Variants in RP1 observed in about 807,000 individuals in gnomAD.
The protein encoded by RP1 is RP1 axonemal microtubule associated, also known as oxygen-regulated protein 1.
Under a neutral mutation model 14.8 loss-of-function variants are expected in RP1, and 16 were observed. The ratio of observed to expected loss-of-function variants is 1.08; its 90% CI spans 0.73 to 1.65. The LOEUF (loss-of-function observed/expected upper bound fraction) is 1.65, where lower values mean the gene tolerates loss of function less well. Ranked by LOEUF, RP1 falls within the 40% of genes most tolerant of loss-of-function variation. RP1 has a pLI of 0.00. For missense variants in RP1, 2,631 were observed against 2,535.0 expected (o/e 1.04, Z -0.81); for synonymous variants, 876 against 883.6 (o/e 0.99, Z 0.15).
chr8:54,855,330 T>C (rs528794129), intron 26 of RP1, among the ~76,000 whole-genome samples: 352 of 152,330 alleles, frequency 2.3e-3, no homozygotes, highest in African/African-American at 8.3e-3. Context: ...GGCTGAATAA[T>C]ATTTCAAAAC....
chr8:54,570,831 C>T (rs1804503860), intron 1 of RP1, among the ~76,000 whole-genome samples: 1 of 152,156 alleles, frequency 6.6e-6, no homozygotes, highest in African/African-American at 2.4e-5. Context: ...AACAGAAAGA[C>T]AGCCATCAGG....
chr8:54,679,083 A>G (rs1807363733), intron 9 of RP1, among the ~76,000 whole-genome samples: 1 of 152,158 alleles, frequency 6.6e-6, no homozygotes, highest in Admixed American at 6.6e-5. Context: ...TAGGGTTTGA[A>G]CTATATTTAG....
intron 3 of RP1, among the ~76,000 whole-genome samples, chr8:54,624,443 C>CAAAAAAAAAAAAAAAAAAAAAAAAAAA (rs11332494): frequency 3.5e-5 from 2 of 56,596 alleles, no homozygotes; most frequent in African/African-American, 8.2e-5. Flanking sequence ...GACTCTGTCT[C>CAAAAAAAAAAAAAAAAAAAAAAAAAAA]AAAAAAAAAA....
chr8:54,725,407 T>C (rs1414246708), intron 16 of RP1, among the ~76,000 whole-genome samples: 2 of 152,178 alleles, frequency 1.3e-5, no homozygotes, highest in Admixed American at 6.5e-5. Context: ...CTTATTATTG[T>C]CTGAAATGAT....
rs1806162464 is a variant in RP1 at position 54,628,894 on chromosome 8, G to C, written c.5012G>C (p.Ser1671Thr). Residue 1671 changes from serine (S) to threonine (T), a missense_variant, in exon 4 of 4, where the codon AGT (serine) becomes ACT (threonine). Ser to Thr is a moderately conservative substitution (Grantham distance 58). Coordinates refer to ENST00000220676, the MANE Select transcript of RP1 (RefSeq NM_006269.2). ...SVEFQCSRKASLYDSEGQSFG... is the reference protein window; with the variant it reads ...SVEFQCSRKATLYDSEGQSFG... ...GAATTTCAGTGTTCCAGGAAAGCAA[G>C]TCTTTATGATTCTGAAGGGCAGTCA... 1.2e-6 allele frequency: 2 copies of C among 1,613,894 alleles called. No individual in the cohort carries two copies. Among genetic ancestry groups the C allele is most frequent in the Non-Finnish European group, 1.7e-6 (2 of 1,179,960 alleles).
rs528410311 is a variant in RP1, at chr8:54,601,656, G to A, written c.-12-19299G>A. On this transcript the variant is annotated intron_variant, in intron 1 of 22. Coordinates refer to the RP1 transcript ENST00000636932. ...AAAGACTTGCACAAGAATGTTCATA[G>A]AAGTATTATCTGCAGGAGCCCCAAA... Among the ~76,000 whole-genome samples the A allele has an allele frequency of 1.4e-5, 2 of 147,836 alleles. 1 individual carries two copies. The highest frequency in any genetic ancestry group is 4.2e-4 in the South Asian group (2 of 4,746).
intron 15 of RP1, chr8:54,720,067 GT>G: frequency 7.8e-7 from 1 of 1,287,708 alleles, no homozygotes; most frequent in East Asian, 2.6e-5. Flanking sequence ...AAAACGACTG[GT>G]TTTAAATTCT....
chr8:54,572,700 T>C (rs1016332703), intron 1 of RP1, among the ~76,000 whole-genome samples: 3 of 152,332 alleles, frequency 2.0e-5, no homozygotes, highest in African/African-American at 4.8e-5. Context: ...GCTAGATCTC[T>C]GTCTTGATCC....
chr8:54,856,719 TACTC>T (rs1158107355), intron 26 of RP1, among the ~76,000 whole-genome samples: 5 of 152,196 alleles, frequency 3.3e-5, no homozygotes, highest in African/African-American at 1.2e-4. Context: ...GTTTGGCACT[TACTC>T]ATATAGTACG....
intron 1 of RP1, among the ~76,000 whole-genome samples, chr8:54,579,831 T>A (rs2129296027): frequency 6.6e-6 from 1 of 152,256 alleles, no homozygotes; most frequent in African/African-American, 2.4e-5. Flanking sequence ...CATGTGCCAA[T>A]CCCTTCCTCA....
intron 26 of RP1, among the ~76,000 whole-genome samples, chr8:54,854,722 G>A (rs563738461): frequency 1.3e-4 from 20 of 152,044 alleles, no homozygotes; most frequent in African/African-American, 2.4e-4. Context: ...AAAATTAGCC[G>A]GGCGTGGCGG....
chr8:54,869,822 C>T, intron 28 of RP1: 1 of 1,094,868 alleles, frequency 9.1e-7, no homozygotes, highest in Non-Finnish European at 1.2e-6. Context: ...TATTAATTAT[C>T]TTCTTTTTTT....
chr8:54,685,483 T>C lies in RP1; in HGVS notation c.1717+5550T>C, dbSNP rs548277034. Among the ~76,000 whole-genome samples the C allele has an allele frequency of 1.0e-3, 153 of 152,274 alleles. 5 individuals are homozygous for C. The South Asian group carries it at 0.03, about 30-fold the overall frequency. ...GTGGTTTTGAATGAATTTCTTAATT[T>C]TGAGTTCTAATTTGACTGCACTGTG... is the stretch of plus-strand genomic sequence containing the variant. On this transcript the variant is annotated intron_variant, in intron 12 of 22. Coordinates refer to the RP1 transcript ENST00000636932.
At chr8:54,678,560 G>GA in intron 9 of RP1, 1 of 1,517,746 alleles carries the variant, frequency 6.6e-7, no homozygotes, top group Non-Finnish European at 8.8e-7. Context: ...CTTTTACATC[G>GA]AAAAAATCCA....
downstream of RP1, among the ~76,000 whole-genome samples, chr8:54,635,213 T>C (rs117567998): frequency 1.4e-4 from 22 of 152,340 alleles, no homozygotes; most frequent in East Asian, 4.1e-3. Context: ...TTTTGATTCA[T>C]ACACAGATTA....
In RP1 at chr8:54,630,118, C is replaced by T; in HGVS notation, c.6236C>T (p.Ser2079Leu). 8.1e-6 allele frequency: 13 copies of T among 1,613,818 alleles called. No individual in the cohort carries two copies. Among genetic ancestry groups the T allele is most frequent in the Non-Finnish European group, 1.1e-5 (13 of 1,179,920 alleles). ...NNLLNNRFQG[S>L]RTNLNQVVRE... ...TTATTAAATAACAGATTCCAGGGCT[C>T]AAGAACAAATCTCAACCAAGTAGTA... The change falls in exon 4 of 4, where the codon TCA (serine) becomes TTA (leucine). Residue 2079 changes from serine (S) to leucine (L), a missense_variant. Coordinates refer to ENST00000220676, the MANE Select transcript of RP1 (RefSeq NM_006269.2).
At chr8:54,605,273 T>A in intron 1 of RP1, among the ~76,000 whole-genome samples, 1 of 152,366 alleles carries the variant, frequency 6.6e-6, no homozygotes, top group Non-Finnish European at 1.5e-5. Context: ...AACATCTTTA[T>A]TACTGCCTTC....
intron 5 of RP1, among the ~76,000 whole-genome samples, chr8:54,653,523 G>A (rs1161096450): frequency 2.0e-5 from 3 of 151,858 alleles, no homozygotes; most frequent in East Asian, 1.9e-4. Flanking sequence ...TGATATTTTC[G>A]GCAAACTTAC....
At chr8:54,866,694 T>C (rs1431510209) in intron 28 of RP1, among the ~76,000 whole-genome samples, 3 of 152,138 alleles carry the variant, frequency 2.0e-5, no homozygotes, top group East Asian at 1.9e-4. Context: ...AGAAGTGGGA[T>C]AGATAATGGA....
Sources: gnomAD v4.1 joint callset for allele counts (sites outside exome capture counted in the v4.1 genomes callset) on GRCh38, gnomAD v4.1.1 for gene constraint, MANE v1.5 for transcripts, NCBI Gene and HGNC (gene_info 2026-07-23, HGNC 2026-07-21) for gene names.